INTS4: variants seen among roughly 807,000 people sequenced by gnomAD.
INTS4 encodes the protein integrator complex subunit 4.
In INTS4, 70 loss-of-function variants were observed where a neutral mutation model predicts 119.5. The ratio of observed to expected loss-of-function variants is 0.59; its 90% CI spans 0.48 to 0.71. INTS4 has a LOEUF of 0.71. Ranked by LOEUF, INTS4 falls within the 30% of genes least tolerant of loss-of-function variation. The probability of loss-of-function intolerance (pLI) is 0.00; values close to 1 mark genes in which losing one functional copy is unlikely to be tolerated. For missense variants in INTS4, 867 were observed against 1,173.2 expected (o/e 0.74, Z 3.81); for synonymous variants, 316 against 419.6 (o/e 0.75, Z 3.02).
At chr11:77,899,920 T>C (rs1319466097) in intron 18 of INTS4, among the ~76,000 whole-genome samples, 1 of 152,078 alleles carries the variant, frequency 6.6e-6, no homozygotes, top group African/African-American at 2.4e-5. Context: ...TTCAAAGTGG[T>C]AGATTACCAG....
chr11:77,947,341 C>T (rs557476415), intron 8 of INTS4, among the ~76,000 whole-genome samples: 1 of 152,242 alleles, frequency 6.6e-6, no homozygotes, highest in South Asian at 2.1e-4. Flanking sequence ...CAAAAAGATC[C>T]TCTCCAAGGT....
At chr11:77,981,651 AC>A (rs1856225343) in intron 2 of INTS4, 75 bp from the exon 3 acceptor site, 1 of 665,002 alleles carries the variant, frequency 1.5e-6, no homozygotes. Flanking sequence ...TGGAAAACTA[AC>A]ATCCCAAAAG....
chr11:77,945,860 G>T (rs969595206), intron 8 of INTS4, among the ~76,000 whole-genome samples: 1 of 152,114 alleles, frequency 6.6e-6, no homozygotes, highest in South Asian at 2.1e-4. Flanking sequence ...CAGTCCAACT[G>T]GTCCTGTGGT....
chr11:77,975,324 G>A (rs142828771), intron 4 of INTS4, among the ~76,000 whole-genome samples: 97 of 151,232 alleles, frequency 6.4e-4, no homozygotes, highest in African/African-American at 2.0e-3. Context: ...TGATTTCTTC[G>A]TTGACTCATT....
intron 13 of INTS4, among the ~76,000 whole-genome samples, chr11:77,921,840 G>A (rs1953368898): frequency 6.6e-6 from 1 of 152,128 alleles, no homozygotes; most frequent in African/African-American, 2.4e-5. Context: ...AGACCAGCCT[G>A]GGCAACAAGG....
intron 21 of INTS4, among the ~76,000 whole-genome samples, chr11:77,885,530 A>AG (rs1037472192): frequency 2.6e-5 from 4 of 151,702 alleles, no homozygotes; most frequent in African/African-American, 4.8e-5. Flanking sequence ...TAGAAAATGA[A>AG]GGGGAGGGCC....
intron 16 of INTS4, among the ~76,000 whole-genome samples, chr11:77,907,356 G>T (rs778922120): frequency 6.6e-6 from 1 of 152,134 alleles, no homozygotes; most frequent in Non-Finnish European, 1.5e-5. Flanking sequence ...TTACAGGTGT[G>T]AGCCACCGCA....
intron 11 of INTS4, among the ~76,000 whole-genome samples, chr11:77,926,059 T>G (rs1565249402): frequency 1.3e-5 from 2 of 152,240 alleles, no homozygotes; most frequent in East Asian, 1.9e-4. Context: ...TCCACCTCTC[T>G]TTAGAATATA....
intron 16 of INTS4, among the ~76,000 whole-genome samples, chr11:77,906,116 A>C (rs1047836233): frequency 6.6e-6 from 1 of 151,674 alleles, no homozygotes; most frequent in Non-Finnish European, 1.5e-5. Context: ...TTTAGACCTT[A>C]GGGATTTTAG....
chr11:77,940,151 G>A (rs558367420), intron 9 of INTS4, among the ~76,000 whole-genome samples: 8 of 152,088 alleles, frequency 5.3e-5, no homozygotes, highest in Non-Finnish European at 7.4e-5. Flanking sequence ...ATTTGGGGCC[G>A]GGCACAATGG....
intron 15 of INTS4, chr11:77,915,176 A>G (rs1470596146): frequency 3.2e-5 from 5 of 156,856 alleles, no homozygotes; most frequent in Non-Finnish European, 5.7e-5. Context: ...TGTTTCTTGC[A>G]GTATCTATCA....
At chr11:77,981,436 A>C in intron 3 of INTS4, 23 bp downstream of exon 3, 7 of 1,204,634 alleles carry the variant, frequency 5.8e-6, no homozygotes, top group African/African-American at 1.5e-5. Flanking sequence ...CTCTGACTAT[A>C]GAGCTTTTAA....
At chr11:77,884,200 C>T (rs984902664) in intron 21 of INTS4, among the ~76,000 whole-genome samples, 3 of 152,070 alleles carry the variant, frequency 2.0e-5, no homozygotes, top group Non-Finnish European at 2.9e-5. Flanking sequence ...CTCTATTAAG[C>T]GCAAAGACAG....
At chr11:77,876,266 G>C (rs1342216982), downstream of INTS4, among the ~76,000 whole-genome samples, 2 of 152,118 alleles carry the variant, frequency 1.3e-5, no homozygotes, top group African/African-American at 2.4e-5. Flanking sequence ...GTCACCTGGG[G>C]AAGAAACCAG....
rs1011046258 is a variant in INTS4 at position 77,973,726 on chromosome 11, C to T, written c.471+5270G>A. On this transcript the variant is annotated intron_variant, in intron 4 of 22. Coordinates refer to ENST00000534064, the MANE Select transcript of INTS4 (RefSeq NM_033547.4). The stretch of plus-strand genomic sequence containing the variant: ...TTATTGTTATGATCTTGTTTTTTAT[C>T]CTCGATAGTGTATTACATTCATTTA... Among the ~76,000 whole-genome samples, 13 of 152,072 alleles carry T rather than the reference C, an allele frequency of 8.5e-5. No homozygotes were observed. The South Asian group carries it at 1.7e-3, about 19-fold the overall frequency.
At chr11:77,917,958 G>A in intron 15 of INTS4, 1 of 663,520 alleles carries the variant, frequency 1.5e-6, no homozygotes, top group Non-Finnish European at 2.7e-6. Flanking sequence ...TCTAGTCAAT[G>A]GAATGCAAGT....
chr11:77,993,784 G>A (rs1167452985), intron 1 of INTS4, among the ~76,000 whole-genome samples: 1 of 152,000 alleles, frequency 6.6e-6, no homozygotes, highest in Non-Finnish European at 1.5e-5. Context: ...TGTAAATTTG[G>A]GGGCATGTCA....
chr11:77,930,968 T>C (rs1293656801), intron 10 of INTS4, among the ~76,000 whole-genome samples: 1 of 152,188 alleles, frequency 6.6e-6, no homozygotes, highest in Non-Finnish European at 1.5e-5. Flanking sequence ...AGCTACCTAT[T>C]AGGTTTGTAC....
In INTS4 at chr11:77,883,908, A is replaced by G; in HGVS notation, c.2637T>C (p.Pro879=). 6.2e-7 allele frequency: 1 copy of G among 1,613,348 alleles called. No individual in the cohort carries two copies. The change falls in exon 22 of 23, where the codon CCT becomes CCC. Residue 879 remains proline (P), a synonymous_variant. Coordinates refer to ENST00000534064, the MANE Select transcript of INTS4 (RefSeq NM_033547.4). ...DGQAQMIHPK[P]ADFRNPGPGR... ...CTGGGCCAGGATTCCGGAAGTCTGC[A>G]GGCTTGGGGTGAATCATCTGAGCCT...
Sources: gnomAD v4.1 joint callset for allele counts (sites outside exome capture counted in the v4.1 genomes callset) on GRCh38, gnomAD v4.1.1 for gene constraint, MANE v1.5 for transcripts, NCBI Gene and HGNC (gene_info 2026-07-23, HGNC 2026-07-21) for gene names.